Variants in PRR5L observed in about 807,000 individuals in gnomAD.
PRR5L encodes the protein proline rich 5 like.
Under a neutral mutation model 36.4 loss-of-function variants are expected in PRR5L, and 21 were observed. That is an observed-to-expected ratio of 0.58 (90% CI 0.41 to 0.83). The LOEUF is 0.83. PRR5L is among the 40% of genes least tolerant of loss of function. The probability of loss-of-function intolerance (pLI) is 0.00; values close to 1 mark genes in which losing one functional copy is unlikely to be tolerated. For missense variants in PRR5L, 381 were observed against 473.3 expected (o/e 0.80, Z 1.81); for synonymous variants, 188 against 197.0 (o/e 0.95, Z 0.38).
chr11:36,376,047 G>T (rs1274904416), intron 1 of PRR5L: 1 of 770,620 alleles, frequency 1.3e-6, no homozygotes, highest in Non-Finnish European at 2.0e-6. Context: ...CAGATCTCCC[G>T]TTGTGTGAGA....
Position 36,432,042 on chromosome 11 carries a change from C to A in PRR5L, c.352+132C>A, listed in dbSNP as rs1273674956. 4.5e-6 allele frequency: 3 copies of A among 671,088 alleles called. No homozygotes were observed. In the East Asian group the frequency reaches 7.8e-5, roughly 17 times the overall value. The allele number at this position is 671,088 out of a possible 1,614,324, so 41.6% of individuals were successfully genotyped here. On this transcript the variant is annotated intron_variant, in intron 5 of 8. Transcript: ENST00000530639. ...TTCACCCTGTCCGTTTCCTCCCTAC[C>A]TAGGCAGCAGCACTTTGATTTGAGT... is the stretch of plus-strand genomic sequence containing the variant.
intron 1 of PRR5L, among the ~76,000 whole-genome samples, chr11:36,362,866 G>C (rs576945456): frequency 2.0e-5 from 3 of 152,296 alleles, no homozygotes; most frequent in East Asian, 3.9e-4. Context: ...GTGGGGGCTG[G>C]GGGGTGGTGT....
chr11:36,351,561 A>ATT (rs1565408638), intron 1 of PRR5L, among the ~76,000 whole-genome samples: 804 of 10,432 alleles, frequency 0.077, 247 homozygotes, highest in East Asian at 0.13. Context: ...ATATTTATAT[A>ATT]TTTATATATT....
intron 1 of PRR5L, among the ~76,000 whole-genome samples, chr11:36,381,975 G>A (rs779840100): frequency 9.2e-5 from 14 of 152,068 alleles, no homozygotes; most frequent in Non-Finnish European, 1.9e-4. Flanking sequence ...TGACCAGCAT[G>A]GTGAAACCCC....
chr11:36,349,715 T>C (rs949640873), intron 1 of PRR5L, among the ~76,000 whole-genome samples: 2 of 152,168 alleles, frequency 1.3e-5, no homozygotes, highest in African/African-American at 4.8e-5. Context: ...TATGGATTTA[T>C]TATTATTTCC....
intron 8 of PRR5L, chr11:36,454,017 C>T (rs571864621): frequency 1.3e-5 from 2 of 152,740 alleles, no homozygotes; most frequent in South Asian, 4.2e-4. Context: ...CAGACCTCGT[C>T]CTGGGTATGG....
At chr11:36,391,487 G>A (rs1431570670) in intron 1 of PRR5L, among the ~76,000 whole-genome samples, 1 of 152,184 alleles carries the variant, frequency 6.6e-6, no homozygotes, top group Non-Finnish European at 1.5e-5. Flanking sequence ...CAGTAACCCT[G>A]TAACTGCCAC....
At chr11:36,301,801 A>C (rs1394775805) in intron 1 of PRR5L, among the ~76,000 whole-genome samples, 1 of 152,176 alleles carries the variant, frequency 6.6e-6, no homozygotes, top group African/African-American at 2.4e-5. Flanking sequence ...TTGAATGTAG[A>C]CCAAGCATTC....
chr11:36,403,239 T>C, intron 2 of PRR5L, 59 bp from the exon 3 acceptor site: 1 of 1,463,604 alleles, frequency 6.8e-7, no homozygotes, highest in Non-Finnish European at 9.6e-7. Context: ...CCTGAGCTGC[T>C]ATTGAAATGG....
chr11:36,306,891 T>C (rs1289411049), intron 1 of PRR5L, among the ~76,000 whole-genome samples: 1 of 151,994 alleles, frequency 6.6e-6, no homozygotes, highest in African/African-American at 2.4e-5. Flanking sequence ...AAAAAGAACA[T>C]GTAATAGTTG....
chr11:36,343,774 C>A (rs1317769562), intron 1 of PRR5L, among the ~76,000 whole-genome samples: 1 of 152,204 alleles, frequency 6.6e-6, no homozygotes, highest in Admixed American at 6.5e-5. Flanking sequence ...ATTATTACCT[C>A]CACTTACTGT....
intron 8 of PRR5L, among the ~76,000 whole-genome samples, chr11:36,460,218 T>C (rs73449328): frequency 0.023 from 3,536 of 152,290 alleles, 131 homozygotes; most frequent in African/African-American, 0.081. Context: ...TCCTTAAATA[T>C]TATTTGAAAA....
At chr11:36,297,132 C>T (rs1416702889) in intron 1 of PRR5L, among the ~76,000 whole-genome samples, 1 of 152,130 alleles carries the variant, frequency 6.6e-6, no homozygotes, top group South Asian at 2.1e-4. Flanking sequence ...AAGTCATTCA[C>T]CCGGGGTCAC....
chr11:36,418,228 G>A (rs1858188286), intron 3 of PRR5L, among the ~76,000 whole-genome samples: 1 of 152,146 alleles, frequency 6.6e-6, no homozygotes, highest in Non-Finnish European at 1.5e-5. Flanking sequence ...CTTCGTTGCT[G>A]GATAAATAAA....
chr11:36,442,707 G>T (rs146258613), intron 6 of PRR5L, among the ~76,000 whole-genome samples: 1 of 152,134 alleles, frequency 6.6e-6, no homozygotes, highest in African/African-American at 2.4e-5. Context: ...AATCCCCCGG[G>T]CATGGACACA....
chr11:36,416,675 T>A (rs1564942249), intron 3 of PRR5L, among the ~76,000 whole-genome samples: 1 of 152,242 alleles, frequency 6.6e-6, no homozygotes, highest in Non-Finnish European at 1.5e-5. Flanking sequence ...GCTCTGTTAT[T>A]GGCTGATTTC....
At chr11:36,342,133 C>T (rs1856823246) in intron 1 of PRR5L, among the ~76,000 whole-genome samples, 1 of 152,166 alleles carries the variant, frequency 6.6e-6, no homozygotes. Context: ...GCAGAGGGAG[C>T]TGAGGCACTC....
At chr11:36,389,646 C>G (rs1382557899) in intron 1 of PRR5L, among the ~76,000 whole-genome samples, 11 of 135,700 alleles carry the variant, frequency 8.1e-5, no homozygotes, top group African/African-American at 3.3e-4. Flanking sequence ...GAGTTTTGCT[C>G]TTGTCACCCA....
chr11:36,391,005 C>T (rs1397634436), intron 1 of PRR5L, among the ~76,000 whole-genome samples: 5 of 124,792 alleles, frequency 4.0e-5, no homozygotes, highest in Non-Finnish European at 8.7e-5. Flanking sequence ...AGGATTTGCA[C>T]GCTGGGCTTT....
Sources: allele counts gnomAD v4.1 joint callset (sites outside exome capture counted in the v4.1 genomes callset), GRCh38; gene constraint gnomAD v4.1.1; transcripts MANE v1.5; gene names NCBI Gene and HGNC (gene_info 2026-07-23, HGNC 2026-07-21).